HMGA2: variants seen among roughly 807,000 people sequenced by gnomAD.
HMGA2 encodes high mobility group protein HMGI-C.
HMGA2 carries 8 observed loss-of-function variants against 19.1 expected under a neutral mutation model. The observed-to-expected ratio is 0.42, with a 90% CI of 0.25 to 0.76. The LOEUF (loss-of-function observed/expected upper bound fraction) is 0.76, where lower values mean the gene tolerates loss of function less well. Among genes scored for constraint, HMGA2 ranks in the 30% least tolerant of loss-of-function variants. HMGA2 has a pLI of 0.28. For missense variants in HMGA2, 109 were observed against 136.3 expected (o/e 0.80, Z 1.00); for synonymous variants, 60 against 48.8 (o/e 1.23, Z -0.96).
intron 3 of HMGA2, among the ~76,000 whole-genome samples, chr12:65,913,368 T>G (rs1158138825): frequency 1.1e-4 from 16 of 152,182 alleles, no homozygotes; most frequent in Admixed American, 1.0e-3. Context: ...TCCCCCAGTC[T>G]TCCTCAGCCA....
Position 65,963,507 on chromosome 12 carries a change from C to A in HMGA2, c.*215C>A. On this transcript the variant is annotated 3_prime_UTR_variant, in exon 5 of 5. Transcript: ENST00000403681. The stretch of plus-strand genomic sequence containing the variant: ...ACCTTCTTTGTAATCCCTTCACAGT[C>A]CCAGGTTTAGTGAAAAACTGCTGTA... The A allele has an allele frequency of 1.7e-6, 1 of 575,520 alleles. No individual in the cohort carries two copies. The highest frequency in any genetic ancestry group is 3.1e-6 in the Non-Finnish European group (1 of 325,892). 35.7% of individuals were successfully genotyped at this position (575,520 alleles called of 1,614,324 possible). A position where few individuals can be genotyped will look rare whatever the true frequency, so the allele number is the denominator to read the frequency against.
intron 3 of HMGA2, among the ~76,000 whole-genome samples, chr12:65,898,545 T>A (rs1326111814): frequency 6.6e-6 from 1 of 152,142 alleles, no homozygotes; most frequent in Non-Finnish European, 1.5e-5. Flanking sequence ...TTTTAAAATA[T>A]CGGTGTTATC....
chr12:65,869,155 T>G (rs1239336650), intron 3 of HMGA2, among the ~76,000 whole-genome samples: 1 of 152,218 alleles, frequency 6.6e-6, no homozygotes, highest in Non-Finnish European at 1.5e-5. Context: ...TTCCTTTTTT[T>G]GGTAGGGTTC....
chr12:65,946,589 G>A (rs370402595), intron 3 of HMGA2, among the ~76,000 whole-genome samples: 2 of 152,130 alleles, frequency 1.3e-5, no homozygotes, highest in African/African-American at 4.8e-5. Context: ...TAATGTCTGG[G>A]TCCTTTGTTA....
intron 3 of HMGA2, among the ~76,000 whole-genome samples, chr12:65,848,665 G>C (rs967098978): frequency 1.3e-5 from 2 of 151,942 alleles, no homozygotes; most frequent in African/African-American, 4.8e-5. Flanking sequence ...GACCATCCTG[G>C]CTAACAAGGT....
chr12:65,963,241 C>G lies in HMGA2; in HGVS notation c.283-4C>G. The G allele has an allele frequency of 8.7e-6, 14 of 1,613,470 alleles. No individual in the cohort carries two copies. The highest frequency in any genetic ancestry group is 1.1e-5 in the Non-Finnish European group (13 of 1,179,704). ...GTCATGGCTGTGCCCTTTGTGTGTT[C>G]CAGGAGGAAACTGAAGAGACATCCT... is the stretch of plus-strand genomic sequence containing the variant. On this transcript the variant is annotated splice_region_variant and splice_polypyrimidine_tract_variant and intron_variant, in intron 4 of 4. Transcript: ENST00000403681.
At chr12:65,948,447 G>C (rs143943509) in intron 3 of HMGA2, 1 of 152,158 alleles carries the variant, frequency 6.6e-6, no homozygotes, top group Non-Finnish European at 1.5e-5. Flanking sequence ...TTTGTTTGGC[G>C]TCCAAAAAGC....
chr12:65,912,873 C>A (rs925968626), intron 3 of HMGA2, among the ~76,000 whole-genome samples: 1 of 152,050 alleles, frequency 6.6e-6, no homozygotes, highest in African/African-American at 2.4e-5. Flanking sequence ...AAAATGAGAA[C>A]GTTATTCATC....
rs1426046233 is a variant in HMGA2 at position 65,871,095 on chromosome 12, T to A, written c.249+32526T>A. The stretch of plus-strand genomic sequence containing the variant: ...AAGCCATAGTCTAATGACCAATGCA[T>A]CATAATTACTTGCTACACTAATTTT... On this transcript the variant is annotated intron_variant, in intron 3 of 4. Transcript: ENST00000403681. Among the ~76,000 whole-genome samples the A allele has an allele frequency of 2.0e-5, 3 of 152,234 alleles. No homozygotes were observed. The South Asian group carries it at 6.2e-4, about 31-fold the overall frequency.
At chr12:65,830,376 T>G (rs920207048) in intron 2 of HMGA2, among the ~76,000 whole-genome samples, 38 of 151,938 alleles carry the variant, frequency 2.5e-4, no homozygotes, top group African/African-American at 8.4e-4. Flanking sequence ...ATGCAAATCT[T>G]TTTAGAAAAA....
intron 4 of HMGA2, chr12:65,952,838 C>G (rs1227552999): frequency 6.0e-6 from 1 of 165,644 alleles, no homozygotes; most frequent in African/African-American, 2.4e-5. Context: ...AATATTGATT[C>G]AGCCCTTGTG....
At chr12:65,882,548 C>T (rs995191384) in intron 3 of HMGA2, among the ~76,000 whole-genome samples, 7 of 152,216 alleles carry the variant, frequency 4.6e-5, no homozygotes, top group African/African-American at 1.7e-4. Context: ...GAAATGTCTC[C>T]TGAGGGCCTG....
chr12:65,891,574 G>C (rs1873913472), intron 3 of HMGA2, among the ~76,000 whole-genome samples: 1 of 152,182 alleles, frequency 6.6e-6, no homozygotes, highest in Non-Finnish European at 1.5e-5. Context: ...ATTGTTGAAA[G>C]TGACATGATG....
chr12:65,889,431 A>C (rs922803880), intron 3 of HMGA2, among the ~76,000 whole-genome samples: 13 of 152,214 alleles, frequency 8.5e-5, no homozygotes, highest in Admixed American at 4.6e-4. Flanking sequence ...TATATTGTAA[A>C]TACATATCTA....
chr12:65,839,259 T>C (rs1373148600), intron 3 of HMGA2, among the ~76,000 whole-genome samples: 1 of 152,132 alleles, frequency 6.6e-6, no homozygotes, highest in East Asian at 1.9e-4. Flanking sequence ...TTGCTAATTT[T>C]ACTGCTTGAA....
chr12:65,857,817 C>T (rs1299968660), intron 3 of HMGA2: 2 of 152,234 alleles, frequency 1.3e-5, no homozygotes, highest in East Asian at 3.8e-4. Context: ...TACCTCTTCC[C>T]ATAAGGCTAG....
chr12:65,851,685 A>T (rs1364454049), intron 3 of HMGA2: 1 of 442,462 alleles, frequency 2.3e-6, no homozygotes, highest in South Asian at 1.6e-5. Context: ...ACAAAAAATC[A>T]TTAGTTTTAA....
intron 3 of HMGA2, among the ~76,000 whole-genome samples, chr12:65,950,054 A>T (rs1382973789): frequency 2.0e-5 from 3 of 152,216 alleles, no homozygotes; most frequent in Non-Finnish European, 4.4e-5. Context: ...GGCAATAACA[A>T]GCATTGGCAT....
intron 3 of HMGA2, among the ~76,000 whole-genome samples, chr12:65,852,958 A>T (rs950061971): frequency 1.3e-5 from 2 of 152,220 alleles, no homozygotes; most frequent in Non-Finnish European, 2.9e-5. Context: ...AACATCATGG[A>T]CAAAACATAT....
Sources: allele counts gnomAD v4.1 joint callset (sites outside exome capture counted in the v4.1 genomes callset), GRCh38; gene constraint gnomAD v4.1.1; transcripts MANE v1.5; gene names NCBI Gene and HGNC (gene_info 2026-07-23, HGNC 2026-07-21).